Variants in SOX5 observed in about 807,000 individuals in gnomAD.
SOX5 encodes the protein transcription factor SOX-5.
In SOX5, 9 loss-of-function variants were observed where a neutral mutation model predicts 92.0. That is an observed-to-expected ratio of 0.10 (90% CI 0.06 to 0.17). SOX5 has a LOEUF of 0.17. SOX5 is among the 10% of genes least tolerant of loss of function. The pLI is 1.00. For synonymous variants in SOX5, 344 were observed against 336.3 expected (o/e 1.02, Z -0.25); for missense variants, 642 against 944.5 (o/e 0.68, Z 4.20).
intron 5 of SOX5, among the ~76,000 whole-genome samples, chr12:23,737,470 G>T (rs1046129356): frequency 2.6e-5 from 4 of 152,102 alleles, no homozygotes; most frequent in Non-Finnish European, 4.4e-5. Flanking sequence ...AATCTGGGAG[G>T]TGGAGGTTGC....
chr12:24,007,132 CA>C lies in SOX5; in HGVS notation c.-1-111109del, dbSNP rs377717275. ...TAGGTGACAGAGCGAGACTCCATCT[CA>C]AAAAAAAATATATATATATATATAT... On this transcript the variant is annotated intron_variant, in intron 4 of 4. Coordinates refer to the SOX5 transcript ENST00000446891. Among the ~76,000 whole-genome samples the C allele has an allele frequency of 2.8e-4, 7 of 24,680 alleles. 1 individual carries two copies. The South Asian group carries it at 0.02, about 69-fold the overall frequency. The allele number at this position is 24,680 out of a possible 152,430, so 16.2% of individuals were successfully genotyped here.
intron 3 of SOX5, among the ~76,000 whole-genome samples, chr12:23,812,781 C>G (rs1330171754): frequency 6.6e-6 from 1 of 152,084 alleles, no homozygotes; most frequent in African/African-American, 2.4e-5. Flanking sequence ...AAGACGAATA[C>G]TGATGTACTG....
intron 4 of SOX5, among the ~76,000 whole-genome samples, chr12:24,085,989 A>G (rs1943948023): frequency 6.6e-6 from 1 of 151,982 alleles, no homozygotes; most frequent in African/African-American, 2.4e-5. Flanking sequence ...AAATTACACT[A>G]CAAATATTTT....
At chr12:24,288,279 G>A (rs1946158171) in intron 2 of SOX5, among the ~76,000 whole-genome samples, 1 of 152,166 alleles carries the variant, frequency 6.6e-6, no homozygotes, top group Admixed American at 6.5e-5. Context: ...ATCTGATCCA[G>A]AATGGAAGTG....
At chr12:23,708,623 G>C (rs1458108033) in intron 6 of SOX5, among the ~76,000 whole-genome samples, 1 of 152,166 alleles carries the variant, frequency 6.6e-6, no homozygotes, top group East Asian at 1.9e-4. Flanking sequence ...ACTGGCATCA[G>C]AACAGTTAGG....
intron 9 of SOX5, among the ~76,000 whole-genome samples, chr12:23,588,727 A>G (rs911862271): frequency 3.3e-4 from 3 of 9,216 alleles, no homozygotes; most frequent in Non-Finnish European, 3.1e-3. Flanking sequence ...TAGTGCACAC[A>G]CACACACACA....
intron 1 of SOX5, among the ~76,000 whole-genome samples, chr12:24,464,466 G>A (rs759995294): frequency 8.6e-5 from 13 of 151,980 alleles, no homozygotes; most frequent in South Asian, 2.1e-4. Context: ...TCAGCCTCCC[G>A]AGTAGCTGGG....
At chr12:24,346,153 G>A (rs1043687027) in intron 2 of SOX5, among the ~76,000 whole-genome samples, 4 of 152,084 alleles carry the variant, frequency 2.6e-5, no homozygotes, top group Admixed American at 6.5e-5. Context: ...ATTGAAATGC[G>A]GGAAAACGAA....
At position 23,755,629 on chromosome 12, in the gene SOX5, C is replaced by T; in HGVS notation, c.568+9G>A. 1 of 1,571,668 alleles carries T rather than the reference C, an allele frequency of 6.4e-7. No individual in the cohort carries two copies. Among genetic ancestry groups the T allele is most frequent in the Non-Finnish European group, 8.7e-7 (1 of 1,153,676 alleles). On this transcript the variant is annotated intron_variant, in intron 4 of 14. Transcript: ENST00000451604. ...TACATTTTGGATAAAAACAATCACA[C>T]CATATTACCTTTTATTTCGCCAAAG...
At chr12:24,047,203 C>T (rs1269535729) in intron 4 of SOX5, among the ~76,000 whole-genome samples, 1 of 152,102 alleles carries the variant, frequency 6.6e-6, no homozygotes, top group African/African-American at 2.4e-5. Flanking sequence ...CTGGGCTGAC[C>T]TTTTCTGGAA....
At chr12:23,666,951 C>T (rs1193806092) in intron 6 of SOX5, among the ~76,000 whole-genome samples, 1 of 152,180 alleles carries the variant, frequency 6.6e-6, no homozygotes, top group Admixed American at 6.6e-5. Context: ...CAGTTCTCAT[C>T]ATTTCTCACT....
chr12:24,343,483 CAT>C (rs1275470441), intron 2 of SOX5, among the ~76,000 whole-genome samples: 2 of 150,794 alleles, frequency 1.3e-5, no homozygotes, highest in Non-Finnish European at 2.9e-5. Flanking sequence ...ATGAGACAGA[CAT>C]AGATTAATAT....
At chr12:23,661,956 G>A (rs1315137637) in intron 7 of SOX5, among the ~76,000 whole-genome samples, 3 of 152,110 alleles carry the variant, frequency 2.0e-5, no homozygotes, top group African/African-American at 4.8e-5. Flanking sequence ...TCTGGTGTGT[G>A]TTTACGTATA....
intron 2 of SOX5, among the ~76,000 whole-genome samples, chr12:24,323,472 A>T (rs1950396050): frequency 6.6e-6 from 1 of 151,908 alleles, no homozygotes; most frequent in Admixed American, 6.6e-5. Flanking sequence ...TCAAAGAACC[A>T]TTTTTAATGT....
At chr12:24,504,966 T>C (rs1361155513) in intron 1 of SOX5, among the ~76,000 whole-genome samples, 1 of 152,302 alleles carries the variant, frequency 6.6e-6, no homozygotes, top group Admixed American at 6.5e-5. Context: ...TACTCAATCC[T>C]GGGGTTTGCA....
chr12:23,843,393 A>G (rs1452846954), intron 3 of SOX5, among the ~76,000 whole-genome samples: 1 of 152,142 alleles, frequency 6.6e-6, no homozygotes, highest in Non-Finnish European at 1.5e-5. Context: ...TAAGATGTTA[A>G]TAAGAGAGGA....
intron 2 of SOX5, among the ~76,000 whole-genome samples, chr12:24,296,381 G>A (rs1445303201): frequency 6.6e-6 from 1 of 152,164 alleles, no homozygotes; most frequent in Non-Finnish European, 1.5e-5. Context: ...CTATTTGACG[G>A]TGAAGCCACA....
intron 6 of SOX5, among the ~76,000 whole-genome samples, chr12:23,730,462 G>A (rs920077283): frequency 2.0e-5 from 3 of 152,100 alleles, no homozygotes; most frequent in Non-Finnish European, 4.4e-5. Context: ...TGTTCTTGAG[G>A]GAAGATGGAT....
At chr12:23,709,016 T>C (rs996744259) in intron 6 of SOX5, among the ~76,000 whole-genome samples, 3 of 152,166 alleles carry the variant, frequency 2.0e-5, no homozygotes, top group African/African-American at 7.2e-5. Flanking sequence ...TGACTAAGAA[T>C]CATTTCCTCA....
Sources: gnomAD v4.1 joint callset for allele counts (sites outside exome capture counted in the v4.1 genomes callset) on GRCh38, gnomAD v4.1.1 for gene constraint, MANE v1.5 for transcripts, NCBI Gene and HGNC (gene_info 2026-07-23, HGNC 2026-07-21) for gene names.